The following SAMD4A variants were observed in gnomAD, a reference collection of about 807,000 sequenced individuals.
The protein encoded by SAMD4A is protein Smaug homolog 1.
SAMD4A carries 33 observed loss-of-function variants against 81.3 expected under a neutral mutation model. The observed-to-expected ratio is 0.41, with a 90% CI of 0.31 to 0.54. The LOEUF is 0.54. SAMD4A is among the 20% of genes least tolerant of loss of function. SAMD4A has a pLI of 0.37. For synonymous variants in SAMD4A, 389 were observed against 382.1 expected, an observed-to-expected ratio of 1.02 and a Z score of -0.21; for missense variants, 854 against 951.1, an observed-to-expected ratio of 0.90 and a Z score of 1.34.
chr14:54,569,877 A>G (rs2033077812), intron 2 of SAMD4A, among the ~76,000 whole-genome samples: 1 of 152,170 alleles, frequency 6.6e-6, no homozygotes, highest in South Asian at 2.1e-4. Context: ...ACTTTTCCCA[A>G]TAGAGCAGCC....
intron 11 of SAMD4A, among the ~76,000 whole-genome samples, chr14:54,781,676 GC>G (rs1362349709): frequency 6.6e-6 from 1 of 152,220 alleles, no homozygotes; most frequent in African/African-American, 2.4e-5. Flanking sequence ...AGGGGCAGGG[GC>G]CTGGGATAAA....
At chr14:54,639,085 C>T (rs1404369068) in intron 2 of SAMD4A, among the ~76,000 whole-genome samples, 3 of 152,162 alleles carry the variant, frequency 2.0e-5, no homozygotes, top group African/African-American at 7.2e-5. Flanking sequence ...ATCCATGGAC[C>T]ATGCCATTTG....
chr14:54,686,001 T>A (rs2036258487), intron 2 of SAMD4A: 4 of 392,614 alleles, frequency 1.0e-5, no homozygotes, highest in Non-Finnish European at 2.0e-5. Flanking sequence ...CATACAAAGG[T>A]CCTATGTAGT....
chr14:54,691,696 A>G (rs896871775), intron 2 of SAMD4A, among the ~76,000 whole-genome samples: 1 of 152,158 alleles, frequency 6.6e-6, no homozygotes, highest in African/African-American at 2.4e-5. Context: ...AATTCCCAGC[A>G]TTGGCTGGCG....
chr14:54,772,163 T>C (rs952557113), intron 9 of SAMD4A, among the ~76,000 whole-genome samples: 3 of 152,204 alleles, frequency 2.0e-5, no homozygotes, highest in African/African-American at 4.8e-5. Flanking sequence ...CCTGCTTGAA[T>C]TATCACAAAT....
At chr14:54,785,115 G>A (rs990183372) in intron 12 of SAMD4A, among the ~76,000 whole-genome samples, 4 of 152,250 alleles carry the variant, frequency 2.6e-5, no homozygotes, top group Non-Finnish European at 5.9e-5. Context: ...GCTTGTTTGT[G>A]TATCTCCCAG....
chr14:54,768,172 A>C (rs752547087), intron 8 of SAMD4A, among the ~76,000 whole-genome samples: 4 of 151,998 alleles, frequency 2.6e-5, no homozygotes, highest in Non-Finnish European at 5.9e-5. Flanking sequence ...CCTTGAAGTC[A>C]TTTGCTGTGT....
chr14:54,688,422 G>A (rs2036336491), intron 2 of SAMD4A: 1 of 938,422 alleles, frequency 1.1e-6, no homozygotes, highest in Admixed American at 6.2e-5. Context: ...GTGTGAGCCT[G>A]TGGTAAAGAT....
chr14:54,634,622 C>T (rs1043570639), intron 2 of SAMD4A, among the ~76,000 whole-genome samples: 22 of 151,994 alleles, frequency 1.4e-4, no homozygotes, highest in African/African-American at 1.9e-4. Flanking sequence ...AATGGTCGCC[C>T]GCCGCTCACC....
chr14:54,594,317 G>A (rs940238510), intron 2 of SAMD4A, among the ~76,000 whole-genome samples: 4 of 152,102 alleles, frequency 2.6e-5, no homozygotes, highest in Admixed American at 6.5e-5. Context: ...CAGCACTTTG[G>A]GAGGTCAAGG....
intron 7 of SAMD4A, 76 bp downstream of exon 7, chr14:54,760,570 C>T: frequency 7.4e-7 from 1 of 1,358,368 alleles, no homozygotes; most frequent in Middle Eastern, 1.9e-4. Context: ...GGGGCTTCCC[C>T]TGGGTGCTGG....
In SAMD4A at chr14:54,762,138, C is replaced by G. The variant is rs144113232; in HGVS notation, c.1510+1644C>G. 7.9e-4 allele frequency among the ~76,000 whole-genome samples: 121 copies of G among 152,278 alleles called. 1 individual carries two copies. Among genetic ancestry groups the G allele is most frequent in the Non-Finnish European group, 1.4e-3 (95 of 68,016 alleles). ...CACAGCGTGGTCCTTTGGGTAAGAGCGCCCCTTTCTACCTGGGCTACCCTC... is the reference window on the plus strand; with the variant it reads ...CACAGCGTGGTCCTTTGGGTAAGAGGGCCCCTTTCTACCTGGGCTACCCTC... On this transcript the variant is annotated intron_variant, in intron 7 of 12. Transcript: ENST00000554335.
chr14:54,783,790 G>A (rs539724752), intron 11 of SAMD4A, among the ~76,000 whole-genome samples: 5 of 152,174 alleles, frequency 3.3e-5, no homozygotes, highest in Non-Finnish European at 5.9e-5. Flanking sequence ...AGCCCCCCAC[G>A]TGGTCTCACA....
At chr14:54,762,228 T>C (rs963190359) in intron 7 of SAMD4A, among the ~76,000 whole-genome samples, 1 of 152,224 alleles carries the variant, frequency 6.6e-6, no homozygotes, top group Non-Finnish European at 1.5e-5. Context: ...GAATAATTTA[T>C]GCTTAATTGG....
intron 3 of SAMD4A, among the ~76,000 whole-genome samples, chr14:54,725,257 C>G (rs2037385130): frequency 6.6e-6 from 1 of 152,184 alleles, no homozygotes; most frequent in African/African-American, 2.4e-5. Flanking sequence ...GACAAGCTCT[C>G]ATGAAGAGTT....
intron 4 of SAMD4A, among the ~76,000 whole-genome samples, chr14:54,743,986 C>T (rs2037906388): frequency 6.6e-6 from 1 of 152,194 alleles, no homozygotes. Context: ...TACCTTCTTA[C>T]CCCTCAGTTG....
At chr14:54,713,968 A>G (rs2037055405) in intron 3 of SAMD4A, among the ~76,000 whole-genome samples, 1 of 152,228 alleles carries the variant, frequency 6.6e-6, no homozygotes, top group Non-Finnish European at 1.5e-5. Context: ...AAATTTCAGT[A>G]GAAGGCTTCT....
chr14:54,573,572 C>T (rs1184797414), intron 2 of SAMD4A, among the ~76,000 whole-genome samples: 6 of 152,114 alleles, frequency 3.9e-5, no homozygotes, highest in African/African-American at 1.4e-4. Flanking sequence ...GTATGGTGCT[C>T]GTAGAAATCT....
At position 54,765,345 on chromosome 14, in the gene SAMD4A, C is replaced by T. The variant is rs113992106; in HGVS notation, c.1596+805C>T. On this transcript the variant is annotated intron_variant, in intron 8 of 12. Transcript: ENST00000554335. ...TGTGAGAATAAGATAGTAAGGGGGCCGGGGTGGTGGGTCACACCTGTAATC... is the reference window on the plus strand; with the variant it reads ...TGTGAGAATAAGATAGTAAGGGGGCTGGGGTGGTGGGTCACACCTGTAATC... Among the ~76,000 whole-genome samples the T allele has an allele frequency of 6.1e-4, 92 of 150,690 alleles. 1 individual carries two copies. Among genetic ancestry groups the T allele is most frequent in the African/African-American group, 2.0e-3 (82 of 40,968 alleles).
Sources: allele counts gnomAD v4.1 joint callset (sites outside exome capture counted in the v4.1 genomes callset), GRCh38; gene constraint gnomAD v4.1.1; transcripts MANE v1.5; gene names NCBI Gene and HGNC (gene_info 2026-07-23, HGNC 2026-07-21).